TACR3: variants seen among roughly 807,000 people sequenced by gnomAD.
TACR3 encodes the protein neuromedin-K receptor.
TACR3 carries 34 observed loss-of-function variants against 35.0 expected under a neutral mutation model. The ratio of observed to expected loss-of-function variants is 0.97; its 90% CI spans 0.74 to 1.30. The LOEUF (loss-of-function observed/expected upper bound fraction) is 1.30, where lower values mean the gene tolerates loss of function less well. Ranked by LOEUF, TACR3 falls within the 50% of genes most tolerant of loss-of-function variation. The pLI is 0.00. For missense variants in TACR3, 558 were observed against 591.7 expected (o/e 0.94, Z 0.59); for synonymous variants, 233 against 221.1 (o/e 1.05, Z -0.48).
chr4:103,665,277 CTA>C (rs960236386), intron 1 of TACR3, among the ~76,000 whole-genome samples: 5 of 151,556 alleles, frequency 3.3e-5, no homozygotes, highest in African/African-American at 1.2e-4. Context: ...GTATATATGA[CTA>C]TGACTATTCA....
At chr4:103,602,909 T>A (rs1724245008) in intron 3 of TACR3, among the ~76,000 whole-genome samples, 1 of 152,200 alleles carries the variant, frequency 6.6e-6, no homozygotes, top group Non-Finnish European at 1.5e-5. Context: ...ACTACTCTCT[T>A]CAAAGCTGTC....
chr4:103,667,103 C>G (rs1040415824), intron 1 of TACR3, among the ~76,000 whole-genome samples: 1 of 152,046 alleles, frequency 6.6e-6, no homozygotes. Flanking sequence ...ACTAAAAATA[C>G]AAAAATTAAG....
intron 3 of TACR3, among the ~76,000 whole-genome samples, chr4:103,654,627 C>A (rs1339518892): frequency 6.7e-6 from 1 of 150,316 alleles, no homozygotes; most frequent in Non-Finnish European, 1.5e-5. Context: ...AGCACACCAA[C>A]GTGGCACATG....
At chr4:103,604,919 C>T (rs1178157061) in intron 3 of TACR3, among the ~76,000 whole-genome samples, 2 of 150,306 alleles carry the variant, frequency 1.3e-5, no homozygotes, top group South Asian at 2.1e-4. Flanking sequence ...CATGCTGGTG[C>T]ACTGCACCCA....
chr4:103,666,720 T>C (rs1725943561), intron 1 of TACR3, among the ~76,000 whole-genome samples: 2 of 152,206 alleles, frequency 1.3e-5, no homozygotes, highest in African/African-American at 4.8e-5. Context: ...TAGTAATCTA[T>C]AGTGGCAATA....
chr4:103,639,581 TAAAGTA>T (rs1725298837), intron 3 of TACR3, among the ~76,000 whole-genome samples: 2 of 151,956 alleles, frequency 1.3e-5, no homozygotes. Context: ...CCCTAAAACT[TAAAGTA>T]TAATAATAAA....
chr4:103,631,616 C>G (rs1725069676), intron 3 of TACR3, among the ~76,000 whole-genome samples: 1 of 152,056 alleles, frequency 6.6e-6, no homozygotes, highest in African/African-American at 2.4e-5. Context: ...ATAATCTTTC[C>G]TTTGTGTGTT....
chr4:103,700,433 A>G (rs1422806197), intron 1 of TACR3, among the ~76,000 whole-genome samples: 1 of 152,164 alleles, frequency 6.6e-6, no homozygotes, highest in Admixed American at 6.6e-5. Context: ...CTTATAGATG[A>G]TAATACAAGC....
intron 3 of TACR3, among the ~76,000 whole-genome samples, chr4:103,609,208 T>C (rs1724455939): frequency 6.6e-6 from 1 of 152,096 alleles, no homozygotes; most frequent in Non-Finnish European, 1.5e-5. Context: ...AGATAGATAT[T>C]TGTTGGCCTT....
At chr4:103,711,410 A>C (rs1294238173) in intron 1 of TACR3, among the ~76,000 whole-genome samples, 2 of 152,232 alleles carry the variant, frequency 1.3e-5, no homozygotes, top group Non-Finnish European at 2.9e-5. Flanking sequence ...TTATCTCAAT[A>C]GATGAAGAAA....
Position 103,652,040 on chromosome 4 carries a change from C to T in TACR3, c.888+4154G>A, listed in dbSNP as rs1279483097. ...CCAGTTCCTTTTGAACCCATGAGCC[C>T]TGCTGCCTGGGATTGTGGGGAGGTG... On this transcript the variant is annotated intron_variant, in intron 3 of 4. Transcript: ENST00000304883. Among the ~76,000 whole-genome samples, 4 of 152,106 alleles carry T rather than the reference C, an allele frequency of 2.6e-5. No homozygotes were observed. The East Asian group carries it at 7.8e-4, about 30-fold the overall frequency.
At chr4:103,630,208 A>C (rs180811696) in intron 3 of TACR3, among the ~76,000 whole-genome samples, 32 of 152,222 alleles carry the variant, frequency 2.1e-4, no homozygotes, top group African/African-American at 7.2e-4. Context: ...TAAAGACTTA[A>C]ATGTTAGACC....
At chr4:103,679,146 A>G (rs892993986) in intron 1 of TACR3, among the ~76,000 whole-genome samples, 37 of 152,050 alleles carry the variant, frequency 2.4e-4, no homozygotes, top group African/African-American at 8.9e-4. Flanking sequence ...TACTGTGTAA[A>G]TACAGGAAAT....
At chr4:103,634,713 C>A (rs1039931318) in intron 3 of TACR3, among the ~76,000 whole-genome samples, 1 of 152,030 alleles carries the variant, frequency 6.6e-6, no homozygotes, top group Admixed American at 6.6e-5. Context: ...CTGTCAATAG[C>A]GTCCTCATTT....
At chr4:103,705,889 T>G (rs975175174) in intron 1 of TACR3, among the ~76,000 whole-genome samples, 1 of 152,172 alleles carries the variant, frequency 6.6e-6, no homozygotes, top group African/African-American at 2.4e-5. Flanking sequence ...ATTATTCTTC[T>G]CATAAGTGCA....
rs1392386147 is a variant in TACR3, at chr4:103,591,604, G to T, written c.968C>A (p.Ala323Glu). ...LPYHIYFILT[A>E]IYQQLNRWKY... ...CCATCTATTTAGTTGTTGATAGATTGCAGTGAGAATGAAGTAAATATGATA... is the reference window on the plus strand; with the variant it reads ...CCATCTATTTAGTTGTTGATAGATTTCAGTGAGAATGAAGTAAATATGATA... Residue 323 changes from alanine to glutamate, a missense_variant, in exon 4 of 5, where the codon GCA (alanine) becomes GAA (glutamate). By Grantham distance (107) the Ala-to-Glu change is moderately radical. Coordinates refer to ENST00000304883, the MANE Select transcript of TACR3 (RefSeq NM_001059.3). 1 of 1,613,836 alleles carries T rather than the reference G, an allele frequency of 6.2e-7. No homozygotes were observed. The highest frequency in any genetic ancestry group is 1.7e-5 in the Admixed American group (1 of 59,976).
chr4:103,623,830 A>G (rs535477463), intron 3 of TACR3, among the ~76,000 whole-genome samples: 20 of 152,338 alleles, frequency 1.3e-4, no homozygotes, highest in Admixed American at 1.2e-3. Context: ...GAGATGCTCC[A>G]GGAAATCTCA....
chr4:103,614,886 T>TTG (rs1206701049), intron 3 of TACR3, among the ~76,000 whole-genome samples: 5 of 82,762 alleles, frequency 6.0e-5, no homozygotes, highest in African/African-American at 3.0e-4. Flanking sequence ...ATGAATGTGT[T>TTG]TTTTTTTTTT....
At chr4:103,662,236 T>C (rs1578247939) in intron 1 of TACR3, among the ~76,000 whole-genome samples, 1 of 151,242 alleles carries the variant, frequency 6.6e-6, no homozygotes, top group South Asian at 2.1e-4. Context: ...TTTTTTTTTT[T>C]TGAGACTGAG....
Sources: allele counts gnomAD v4.1 joint callset (sites outside exome capture counted in the v4.1 genomes callset), GRCh38; gene constraint gnomAD v4.1.1; transcripts MANE v1.5; gene names NCBI Gene and HGNC (gene_info 2026-07-23, HGNC 2026-07-21).